Variants in STAG1 observed in about 807,000 individuals in gnomAD.
The protein encoded by STAG1 is cohesin subunit SA-1.
Under a neutral mutation model 170.9 loss-of-function variants are expected in STAG1, and 26 were observed. The ratio of observed to expected loss-of-function variants is 0.15; its 90% CI spans 0.11 to 0.21. The LOEUF (loss-of-function observed/expected upper bound fraction) is 0.21, where lower values mean the gene tolerates loss of function less well. STAG1 is among the 10% of genes least tolerant of loss of function. The pLI, the probability that STAG1 is intolerant of heterozygous loss-of-function variation, is 1.00. For synonymous variants in STAG1, 514 were observed against 497.7 expected, an observed-to-expected ratio of 1.03 and a Z score of -0.44; for missense variants, 964 against 1,509.5, an observed-to-expected ratio of 0.64 and a Z score of 5.99.
intron 26 of STAG1, among the ~76,000 whole-genome samples, chr3:136,360,579 T>G (rs956417923): frequency 5.3e-5 from 8 of 152,244 alleles, no homozygotes; most frequent in African/African-American, 1.9e-4. Context: ...TTAGTTTTCT[T>G]CAGCAATAGA....
At chr3:136,510,203 A>C (rs1241155217) in intron 7 of STAG1, among the ~76,000 whole-genome samples, 2 of 152,186 alleles carry the variant, frequency 1.3e-5, no homozygotes, top group Non-Finnish European at 2.9e-5. Flanking sequence ...CATAATCCCC[A>C]CATGCCAAAG....
intron 5 of STAG1, among the ~76,000 whole-genome samples, chr3:136,544,110 A>G (rs1936034888): frequency 1.3e-5 from 2 of 152,242 alleles, no homozygotes; most frequent in Admixed American, 1.3e-4. Context: ...CAGAGTAGAC[A>G]TATCAGGTCC....
At chr3:136,361,198 A>G (rs775342311) in intron 26 of STAG1, among the ~76,000 whole-genome samples, 7 of 152,186 alleles carry the variant, frequency 4.6e-5, no homozygotes, top group African/African-American at 7.2e-5. Flanking sequence ...TTTTACAGCT[A>G]AAGTTTTTAT....
chr3:136,707,864 TACCTCCCAATAGGTCCC>T (rs1449595169), intron 1 of STAG1, among the ~76,000 whole-genome samples: 4 of 152,066 alleles, frequency 2.6e-5, no homozygotes, highest in African/African-American at 9.7e-5. Flanking sequence ...ATAACCCAAA[TACCTCCCAATAGGTCCC>T]ACCTCCCAAT....
chr3:136,694,176 C>A (rs2107900646), intron 1 of STAG1, among the ~76,000 whole-genome samples: 1 of 152,188 alleles, frequency 6.6e-6, no homozygotes, highest in East Asian at 1.9e-4. Flanking sequence ...TGAGGATAAC[C>A]CTATGTAAAT....
rs558985428 is a variant in STAG1 at position 136,444,291 on chromosome 3, C to T, written c.1429-887G>A. On this transcript the variant is annotated intron_variant, in intron 14 of 33. Transcript: ENST00000383202. ...GTTTCACCACGTTGGCCAGACTGGC[C>T]TTCAACTCCTGACCTCAAGAGATCT... Among the ~76,000 whole-genome samples the T allele has an allele frequency of 3.9e-5, 6 of 152,268 alleles. No individual in the cohort carries two copies. The South Asian group carries it at 1.0e-3, about 26-fold the overall frequency.
At chr3:136,620,070 G>GA (rs1374273162) in intron 3 of STAG1, among the ~76,000 whole-genome samples, 1 of 150,714 alleles carries the variant, frequency 6.6e-6, no homozygotes, top group Non-Finnish European at 1.5e-5. Flanking sequence ...TGTCTCAAAA[G>GA]AAAAAATAAA....
intron 14 of STAG1, among the ~76,000 whole-genome samples, chr3:136,446,257 AATTT>A (rs557882148): frequency 6.6e-6 from 1 of 151,960 alleles, no homozygotes; most frequent in South Asian, 2.1e-4. Context: ...TTTGTTTTTT[AATTT>A]ATTTGCTCAC....
intron 5 of STAG1, among the ~76,000 whole-genome samples, chr3:136,552,718 T>C (rs1001631372): frequency 6.6e-6 from 1 of 152,036 alleles, no homozygotes; most frequent in African/African-American, 2.4e-5. Context: ...GAAAATAAAG[T>C]TTTTCTGGTA....
intron 1 of STAG1, among the ~76,000 whole-genome samples, chr3:136,680,335 AAAGC>A (rs1209722284): frequency 2.6e-5 from 4 of 152,198 alleles, no homozygotes; most frequent in African/African-American, 9.6e-5. Flanking sequence ...TATTAGTGAA[AAAGC>A]AAGTTACAGA....
intron 1 of STAG1, among the ~76,000 whole-genome samples, chr3:136,653,804 G>A (rs1386898274): frequency 1.3e-5 from 2 of 152,086 alleles, no homozygotes; most frequent in Non-Finnish European, 2.9e-5. Flanking sequence ...ATGACCAAGT[G>A]GGATTTATTC....
intron 7 of STAG1, among the ~76,000 whole-genome samples, chr3:136,510,352 CG>C (rs1933991866): frequency 6.6e-6 from 1 of 152,102 alleles, no homozygotes; most frequent in South Asian, 2.1e-4. Context: ...TGCAGTGGTG[CG>C]ATCTCAGCTC....
chr3:136,368,190 C>T (rs777534668), intron 24 of STAG1, among the ~76,000 whole-genome samples: 6 of 152,048 alleles, frequency 3.9e-5, no homozygotes, highest in Non-Finnish European at 5.9e-5. Flanking sequence ...CTAGTATTTT[C>T]CAAAATGTTG....
chr3:136,623,033 G>T, intron 3 of STAG1, 113 bp downstream of exon 3: 1 of 838,902 alleles, frequency 1.2e-6, no homozygotes, highest in Non-Finnish European at 1.9e-6. Context: ...TCTCTATTGT[G>T]TCACTGAATT....
At chr3:136,587,424 C>T (rs1937886317) in intron 4 of STAG1, among the ~76,000 whole-genome samples, 1 of 151,224 alleles carries the variant, frequency 6.6e-6, no homozygotes, top group African/African-American at 2.4e-5. Flanking sequence ...TCTGTAATCC[C>T]AGCTACTCGG....
intron 1 of STAG1, among the ~76,000 whole-genome samples, chr3:136,684,611 C>T (rs753711235): frequency 3.3e-5 from 5 of 151,488 alleles, no homozygotes; most frequent in Admixed American, 6.6e-5. Context: ...ATTAGCTGGA[C>T]GTCGTGGCAT....
At chr3:136,392,972 A>G (rs1205303866) in intron 22 of STAG1, among the ~76,000 whole-genome samples, 1 of 152,114 alleles carries the variant, frequency 6.6e-6, no homozygotes, top group African/African-American at 2.4e-5. Context: ...ATATTTTATT[A>G]ATAAAAATAT....
intron 9 of STAG1, among the ~76,000 whole-genome samples, chr3:136,493,760 A>T (rs1355419576): frequency 2.0e-5 from 3 of 152,064 alleles, no homozygotes; most frequent in East Asian, 3.9e-4. Flanking sequence ...TTATTATTTG[A>T]AAAGATCAAC....
At chr3:136,704,073 T>C (rs1385444376) in intron 1 of STAG1, among the ~76,000 whole-genome samples, 6 of 143,360 alleles carry the variant, frequency 4.2e-5, no homozygotes, top group Non-Finnish European at 9.1e-5. Context: ...TTTTTTGAGA[T>C]GGAGTCTCAC....
Sources: allele counts gnomAD v4.1 joint callset (sites outside exome capture counted in the v4.1 genomes callset), GRCh38; gene constraint gnomAD v4.1.1; transcripts MANE v1.5; gene names NCBI Gene and HGNC (gene_info 2026-07-23, HGNC 2026-07-21).